SLC4A10: variants seen among roughly 807,000 people sequenced by gnomAD.
The protein encoded by SLC4A10 is solute carrier family 4 member 10, also known as sodium-driven chloride bicarbonate exchanger.
Under a neutral mutation model 137.7 loss-of-function variants are expected in SLC4A10, and 42 were observed. That is an observed-to-expected ratio of 0.30 (90% CI 0.24 to 0.39). SLC4A10 has a LOEUF of 0.39. SLC4A10 is among the 10% of genes least tolerant of loss of function. The probability of loss-of-function intolerance (pLI) is 1.00; values close to 1 mark genes in which losing one functional copy is unlikely to be tolerated. For synonymous variants in SLC4A10, 474 were observed against 464.1 expected (o/e 1.02, Z -0.27); for missense variants, 925 against 1,355.0 (o/e 0.68, Z 4.98).
At chr2:161,978,175 A>G (rs1009005410) in intron 26 of SLC4A10, among the ~76,000 whole-genome samples, 2 of 152,102 alleles carry the variant, frequency 1.3e-5, no homozygotes, top group Admixed American at 1.3e-4. Flanking sequence ...ACTTGAGGTC[A>G]GGAGTTCGAG....
intron 5 of SLC4A10, among the ~76,000 whole-genome samples, chr2:161,856,695 A>G (rs888605167): frequency 5.9e-5 from 9 of 152,268 alleles, no homozygotes; most frequent in African/African-American, 9.6e-5. Flanking sequence ...AAACATTTTT[A>G]TATTTTAATT....
chr2:161,625,298 G>C (rs1425675144), intron 1 of SLC4A10, among the ~76,000 whole-genome samples: 2 of 152,000 alleles, frequency 1.3e-5, no homozygotes, highest in African/African-American at 4.8e-5. Flanking sequence ...TTGTGTAAGT[G>C]ATGGATTTGC....
rs532966737 is a variant in SLC4A10, at chr2:161,896,119, G to T, written c.1341+1294G>T. On this transcript the variant is annotated intron_variant, in intron 11 of 26. Coordinates refer to ENST00000446997, the MANE Select transcript of SLC4A10 (RefSeq NM_001178015.2). ...GGTGTAAGGAAGGGATCCACTTTCA[G>T]CTTTCTACATATGGCTAGCCAGTTT... 2.0e-4 allele frequency among the ~76,000 whole-genome samples: 31 copies of T among 152,242 alleles called. No homozygotes were observed. The South Asian group carries it at 6.2e-3, about 31-fold the overall frequency.
intron 1 of SLC4A10, among the ~76,000 whole-genome samples, chr2:161,752,150 G>T (rs2049048489): frequency 6.6e-6 from 1 of 151,894 alleles, no homozygotes; most frequent in East Asian, 1.9e-4. Flanking sequence ...TTTCCAAAAA[G>T]GAAGTACATC....
chr2:161,839,842 G>A lies in SLC4A10; in HGVS notation c.331G>A (p.Glu111Lys), dbSNP rs780074330. Residue 111 changes from glutamate to lysine, a missense_variant, in exon 4 of 27, where the codon GAA becomes AAA. By Grantham distance (56) the Glu-to-Lys change is moderately conservative (BLOSUM62 1). Around this residue, in one of 11 missense-constraint regions of SLC4A10, gnomAD observed 138 missense variants for 171.3 expected, o/e 0.81. Coordinates refer to ENST00000446997, the MANE Select transcript of SLC4A10 (RefSeq NM_001178015.2). Reference sequence around the variant, plus strand: ...TCTTGGAACCGAGGATGATGACGAGGAACACATTCCTCATGACCTTTTCAC... The same window carrying A: ...TCTTGGAACCGAGGATGATGACGAGAAACACATTCCTCATGACCTTTTCAC... ...FILGTEDDDE[E>K]HIPHDLFTEL... The A allele has an allele frequency of 3.7e-5, 59 of 1,613,758 alleles. 1 individual carries two copies. The South Asian group carries it at 5.4e-4, about 15-fold the overall frequency.
chr2:161,949,638 C>T (rs1442850664), intron 18 of SLC4A10, among the ~76,000 whole-genome samples: 1 of 151,912 alleles, frequency 6.6e-6, no homozygotes, highest in African/African-American at 2.4e-5. Context: ...GAATAGAATT[C>T]TGACCGTGTT....
rs370138492 is a variant in SLC4A10, at chr2:161,888,419, C to A, written c.1194+5975C>A. Among the ~76,000 whole-genome samples, 14 of 152,078 alleles carry A rather than the reference C, an allele frequency of 9.2e-5. No individual in the cohort carries two copies. In the East Asian group the frequency reaches 2.1e-3, roughly 23 times the overall value. On this transcript the variant is annotated intron_variant, in intron 10 of 26. Coordinates refer to ENST00000446997, the MANE Select transcript of SLC4A10 (RefSeq NM_001178015.2). Reference sequence around the variant, plus strand: ...TTTTCACGATATTGATTCTTCCTATCCATGAGCATGGAATGTTTTTCCATT... The same window carrying A: ...TTTTCACGATATTGATTCTTCCTATACATGAGCATGGAATGTTTTTCCATT...
At chr2:161,726,790 T>A (rs961177081) in intron 1 of SLC4A10, among the ~76,000 whole-genome samples, 2 of 152,144 alleles carry the variant, frequency 1.3e-5, no homozygotes, top group Admixed American at 1.3e-4. Context: ...ATGCCTGTAA[T>A]CCCAGTTACT....
intron 3 of SLC4A10, 98 bp downstream of exon 3, chr2:161,804,693 T>C: frequency 9.0e-7 from 1 of 1,116,394 alleles, no homozygotes; most frequent in Non-Finnish European, 1.2e-6. Flanking sequence ...CATAAAATTG[T>C]TTATACTTTT....
intron 1 of SLC4A10, among the ~76,000 whole-genome samples, chr2:161,655,911 T>C (rs368324186): frequency 4.3e-4 from 65 of 151,846 alleles, no homozygotes; most frequent in African/African-American, 1.5e-3. Flanking sequence ...TCTCCCTGGT[T>C]CAAGCAATTC....
At chr2:161,951,479 T>C (rs541616602) in intron 19 of SLC4A10, among the ~76,000 whole-genome samples, 1 of 152,296 alleles carries the variant, frequency 6.6e-6, no homozygotes, top group Admixed American at 6.5e-5. Context: ...GCAATTTGCC[T>C]GAGATATGTA....
Position 161,657,588 on chromosome 2 carries a change from G to A in SLC4A10, c.48+33022G>A, listed in dbSNP as rs563576184. Among the ~76,000 whole-genome samples, 56 of 151,708 alleles carry A rather than the reference G, an allele frequency of 3.7e-4. 1 individual carries two copies. The South Asian group carries it at 0.011, about 30-fold the overall frequency. Reference sequence around the variant, plus strand: ...CAATGAAGCAAATGTTCATAACTGGGAATATTTTTTATCAAGAAAATACAC... The same window carrying A: ...CAATGAAGCAAATGTTCATAACTGGAAATATTTTTTATCAAGAAAATACAC... On this transcript the variant is annotated intron_variant, in intron 1 of 26. Transcript: ENST00000446997.
At chr2:161,747,408 C>T (rs535243774) in intron 1 of SLC4A10, among the ~76,000 whole-genome samples, 1 of 152,238 alleles carries the variant, frequency 6.6e-6, no homozygotes, top group Admixed American at 6.5e-5. Flanking sequence ...CTCTGCATCA[C>T]ACTGCACTGC....
chr2:161,940,039 T>C (rs1189488444), intron 15 of SLC4A10, among the ~76,000 whole-genome samples: 3 of 152,228 alleles, frequency 2.0e-5, no homozygotes, highest in Non-Finnish European at 2.9e-5. Context: ...CTGGTAAAAG[T>C]AATTTTAAAA....
chr2:161,711,586 G>A (rs2044292123), intron 1 of SLC4A10, among the ~76,000 whole-genome samples: 1 of 151,804 alleles, frequency 6.6e-6, no homozygotes, highest in Non-Finnish European at 1.5e-5. Flanking sequence ...GGGTGGAGAA[G>A]ATGCAAAGCC....
intron 1 of SLC4A10, among the ~76,000 whole-genome samples, chr2:161,648,368 T>G (rs536793693): frequency 1.3e-4 from 20 of 152,234 alleles, no homozygotes; most frequent in African/African-American, 4.8e-4. Context: ...TGCTATTGAG[T>G]GTTAAGGACT....
At chr2:161,817,148 C>A (rs1387887794) in intron 3 of SLC4A10, among the ~76,000 whole-genome samples, 2 of 152,118 alleles carry the variant, frequency 1.3e-5, no homozygotes, top group Admixed American at 6.6e-5. Context: ...CCTGTTGTTT[C>A]CTGACTTTTT....
At chr2:161,918,215 G>A (rs1243691512) in intron 15 of SLC4A10, among the ~76,000 whole-genome samples, 1 of 152,138 alleles carries the variant, frequency 6.6e-6, no homozygotes, top group African/African-American at 2.4e-5. Context: ...GCGTGCAGCG[G>A]TGCAATCTCA....
At chr2:161,818,689 G>C (rs945014265) in intron 3 of SLC4A10, among the ~76,000 whole-genome samples, 9 of 152,236 alleles carry the variant, frequency 5.9e-5, no homozygotes, top group East Asian at 1.9e-4. Flanking sequence ...TAGCATGAAA[G>C]GTTGTTGAAT....
Sources: gnomAD v4.1 joint callset for allele counts (sites outside exome capture counted in the v4.1 genomes callset) on GRCh38, gnomAD v4.1.1 for gene constraint, gnomAD v4.1.1 regional missense constraint, MANE v1.5 for transcripts, NCBI Gene and HGNC (gene_info 2026-07-23, HGNC 2026-07-21) for gene names.